BARX2: variants seen among roughly 807,000 people sequenced by gnomAD.
BARX2 encodes homeobox protein BarH-like 2.
A neutral mutation model predicts 25.5 loss-of-function variants in BARX2; 11 were observed. That is an observed-to-expected ratio of 0.43 (90% CI 0.27 to 0.71). The LOEUF (loss-of-function observed/expected upper bound fraction) is 0.71, where lower values mean the gene tolerates loss of function less well. Among genes scored for constraint, BARX2 ranks in the 30% least tolerant of loss-of-function variants. The pLI, the probability that BARX2 is intolerant of heterozygous loss-of-function variation, is 0.19. For synonymous variants in BARX2, 137 were observed against 149.5 expected (o/e 0.92, Z 0.61); for missense variants, 360 against 359.9 (o/e 1.00, Z 0.00).
chr11:129,408,756 C>A (rs940526442), intron 1 of BARX2, among the ~76,000 whole-genome samples: 2 of 152,136 alleles, frequency 1.3e-5, no homozygotes, highest in Non-Finnish European at 2.9e-5. Flanking sequence ...GTATTTACCC[C>A]AAGTCATGAT....
At chr11:129,392,799 C>T (rs903506900) in intron 1 of BARX2, among the ~76,000 whole-genome samples, 8 of 151,900 alleles carry the variant, frequency 5.3e-5, no homozygotes, top group South Asian at 4.1e-4. Flanking sequence ...TTAGTAGAGA[C>T]GGGGTCTTGT....
At chr11:129,451,036 G>T in intron 3 of BARX2, 100 bp from the exon 4 acceptor site, 13 of 1,449,334 alleles carry the variant, frequency 9.0e-6, no homozygotes, top group East Asian at 2.3e-5. Context: ...TTCACTGCTG[G>T]AACAGATGGT....
intron 1 of BARX2, among the ~76,000 whole-genome samples, chr11:129,392,422 G>A (rs986158568): frequency 1.3e-5 from 2 of 152,132 alleles, no homozygotes; most frequent in Non-Finnish European, 2.9e-5. Context: ...GACTGATGTT[G>A]GTAGGTAAAA....
chr11:129,413,864 C>T (rs1258808083), intron 1 of BARX2, among the ~76,000 whole-genome samples: 2 of 151,918 alleles, frequency 1.3e-5, no homozygotes, highest in East Asian at 3.9e-4. Context: ...GAGATCGAGA[C>T]AATCCTGGCT....
intron 1 of BARX2, among the ~76,000 whole-genome samples, chr11:129,411,950 C>G (rs1165858616): frequency 6.6e-6 from 1 of 152,170 alleles, no homozygotes; most frequent in Non-Finnish European, 1.5e-5. Flanking sequence ...AAAATTTAAG[C>G]AACATATAAA....
intron 1 of BARX2, among the ~76,000 whole-genome samples, chr11:129,401,322 T>C (rs7118111): frequency 0.02 from 3,071 of 152,290 alleles, 113 homozygotes; most frequent in African/African-American, 0.067. Flanking sequence ...GTTTTTTAGC[T>C]TAAAGCAAAG....
chr11:129,409,681 G>A (rs1436783830), intron 1 of BARX2, among the ~76,000 whole-genome samples: 1 of 152,126 alleles, frequency 6.6e-6, no homozygotes, highest in Admixed American at 6.5e-5. Context: ...AAAAGTGCAC[G>A]TGGCCTGGTT....
chr11:129,383,791 C>T (rs912003028), intron 1 of BARX2, among the ~76,000 whole-genome samples: 5 of 152,206 alleles, frequency 3.3e-5, no homozygotes, highest in African/African-American at 4.8e-5. Context: ...CTTTTTACCG[C>T]GTCTTTCCAG....
chr11:129,397,632 GACTGC>G (rs1168534247), intron 1 of BARX2, among the ~76,000 whole-genome samples: 1 of 152,210 alleles, frequency 6.6e-6, no homozygotes, highest in Non-Finnish European at 1.5e-5. Context: ...GCTATGTGAA[GACTGC>G]ACAGATGATG....
At chr11:129,375,736 G>A (rs867175602), upstream of BARX2, among the ~76,000 whole-genome samples, 1 of 152,056 alleles carries the variant, frequency 6.6e-6, no homozygotes, top group African/African-American at 2.4e-5. The surrounding 1 kb of genome is among the most constrained non-coding windows in gnomAD (Gnocchi z 4.0). Context: ...GCGGGCGGGG[G>A]CGGGGTGGGC....
chr11:129,448,508 G>A (rs950179473), intron 3 of BARX2, among the ~76,000 whole-genome samples: 1 of 152,100 alleles, frequency 6.6e-6, no homozygotes, highest in South Asian at 2.1e-4. Flanking sequence ...TAGCCAATAA[G>A]CACTATGAAA....
intron 1 of BARX2, among the ~76,000 whole-genome samples, chr11:129,394,222 T>G (rs1396182140): frequency 6.6e-6 from 1 of 152,248 alleles, no homozygotes; most frequent in African/African-American, 2.4e-5. Context: ...TGTGTGTACC[T>G]ACGGTTCACT....
intron 1 of BARX2, among the ~76,000 whole-genome samples, chr11:129,417,558 T>C (rs984323465): frequency 2.6e-5 from 4 of 152,146 alleles, no homozygotes; most frequent in African/African-American, 9.7e-5. Flanking sequence ...AAAAGTTGCT[T>C]TTGTCAAAAA....
intron 1 of BARX2, among the ~76,000 whole-genome samples, chr11:129,429,189 G>C (rs1188476667): frequency 1.3e-5 from 2 of 152,126 alleles, no homozygotes. Context: ...CTCTAATCAA[G>C]TTTTTAATGG....
At chr11:129,413,377 G>A (rs780834895) in intron 1 of BARX2, among the ~76,000 whole-genome samples, 13 of 152,150 alleles carry the variant, frequency 8.5e-5, no homozygotes, top group South Asian at 8.3e-4. Context: ...GACCAGAGTC[G>A]GCAGCAGAGA....
chr11:129,382,629 TGGTTAGAG>T (rs36122318), intron 1 of BARX2, among the ~76,000 whole-genome samples: 71,743 of 151,700 alleles, frequency 0.47, 17,105 homozygotes, highest in East Asian at 0.57. Flanking sequence ...AGCTGGAATA[TGGTTAGAG>T]GGCTGCAAGG....
At chr11:129,395,864 G>A (rs1861714747) in intron 1 of BARX2, among the ~76,000 whole-genome samples, 1 of 152,128 alleles carries the variant, frequency 6.6e-6, no homozygotes, top group African/African-American at 2.4e-5. Flanking sequence ...GGTGAAATGG[G>A]TATAGCGACA....
chr11:129,396,223 T>C (rs1493531), intron 1 of BARX2, among the ~76,000 whole-genome samples: 129,358 of 152,092 alleles, frequency 0.85, 55,105 homozygotes, highest in Admixed American at 0.88. Context: ...CAAAATAGTA[T>C]GGTTTTGAAC....
chr11:129,380,511 G>A (rs12280272), intron 1 of BARX2, among the ~76,000 whole-genome samples: 47,060 of 151,954 alleles, frequency 0.31, 7,508 homozygotes, highest in Non-Finnish European at 0.35. Context: ...AAACTCATAG[G>A]ATCTTAGGAA....
Sources: gnomAD v4.1 joint callset for allele counts (sites outside exome capture counted in the v4.1 genomes callset) on GRCh38, gnomAD v4.1.1 for gene constraint, Gnocchi (gnomAD v3.1) non-coding constraint, MANE v1.5 for transcripts, NCBI Gene and HGNC (gene_info 2026-07-23, HGNC 2026-07-21) for gene names.